Variants in HECW2 observed in about 807,000 individuals in gnomAD.
HECW2 encodes HECT, C2 and WW domain containing E3 ubiquitin protein ligase 2.
HECW2 carries 61 observed loss-of-function variants against 175.2 expected under a neutral mutation model. The ratio of observed to expected loss-of-function variants is 0.35; its 90% CI spans 0.28 to 0.43. The LOEUF (loss-of-function observed/expected upper bound fraction) is 0.43, where lower values mean the gene tolerates loss of function less well. HECW2 is among the 20% of genes least tolerant of loss of function. The probability of loss-of-function intolerance (pLI) is 1.00; values close to 1 mark genes in which losing one functional copy is unlikely to be tolerated. For synonymous variants in HECW2, 671 were observed against 731.0 expected (o/e 0.92, Z 1.32); for missense variants, 1,524 against 2,000.5 (o/e 0.76, Z 4.54).
intron 26 of HECW2, 71 bp downstream of exon 26, chr2:196,219,968 G>T: frequency 1.0e-6 from 1 of 1,001,562 alleles, no homozygotes. Context: ...CCTATATTCA[G>T]TTGGCAAGCT....
chr2:196,372,774 C>T (rs964354530), intron 2 of HECW2, among the ~76,000 whole-genome samples: 4 of 151,992 alleles, frequency 2.6e-5, no homozygotes, highest in African/African-American at 9.7e-5. Context: ...TTTTTAGAAA[C>T]CCAATTTTTA....
chr2:196,511,335 T>C (rs1687946399), intron 1 of HECW2, among the ~76,000 whole-genome samples: 1 of 152,240 alleles, frequency 6.6e-6, no homozygotes, highest in South Asian at 2.1e-4. Flanking sequence ...AATATTTCCA[T>C]TCATTTTCTA....
chr2:196,485,891 C>T (rs1242125749), intron 1 of HECW2, among the ~76,000 whole-genome samples: 4 of 152,130 alleles, frequency 2.6e-5, no homozygotes, highest in Admixed American at 2.0e-4. Context: ...AGGCATGGTA[C>T]CACGCATCTG....
At position 196,257,819 on chromosome 2, in the gene HECW2, G is replaced by A. The variant is rs757509553; in HGVS notation, c.3419+4C>T. On this transcript the variant is annotated splice_donor_region_variant and intron_variant, in intron 18 of 28. Transcript: ENST00000644978. ...TGCTTCAAGAGTGAGTGTTACGTAT[G>A]TACCTCAGCAACATAACAAGGTCTG... The A allele has an allele frequency of 2.5e-6, 4 of 1,605,034 alleles. No homozygotes were observed. Among genetic ancestry groups the A allele is most frequent in the South Asian group, 2.2e-5 (2 of 90,872 alleles).
chr2:196,360,744 T>C (rs1458878104), intron 2 of HECW2, among the ~76,000 whole-genome samples: 1 of 152,208 alleles, frequency 6.6e-6, no homozygotes, highest in East Asian at 1.9e-4. Context: ...TCATTGCTCC[T>C]GATCCTAAAG....
rs150970707 is a variant in HECW2, at chr2:196,367,435, T to A, written c.293-23671A>T. ...AGGCATACAATGCATAATAATCACA[T>A]CAGGGTAAATGAAGTATTCATCACC... On this transcript the variant is annotated intron_variant, in intron 2 of 28. Transcript: ENST00000644978. 4.7e-3 allele frequency among the ~76,000 whole-genome samples: 713 copies of A among 152,310 alleles called. 6 individuals carry two copies. The highest frequency in any genetic ancestry group is 0.017 in the African/African-American group (690 of 41,556).
intron 1 of HECW2, among the ~76,000 whole-genome samples, chr2:196,544,355 G>T (rs1044523434): frequency 6.6e-6 from 1 of 152,154 alleles, no homozygotes; most frequent in South Asian, 2.1e-4. Flanking sequence ...GGTCCCATTT[G>T]TCCTTGAGCT....
intron 1 of HECW2, among the ~76,000 whole-genome samples, chr2:196,581,169 T>G (rs918044047): frequency 6.6e-6 from 1 of 152,216 alleles, no homozygotes; most frequent in Non-Finnish European, 1.5e-5. Flanking sequence ...ATGTAGTTTC[T>G]ATTTAGAGGT....
intron 1 of HECW2, among the ~76,000 whole-genome samples, chr2:196,483,956 G>C (rs192233623): frequency 2.0e-5 from 3 of 152,288 alleles, no homozygotes; most frequent in Non-Finnish European, 4.4e-5. Context: ...TTCATTTTTA[G>C]ATGTTATAAC....
At chr2:196,566,629 G>A (rs549110000) in intron 1 of HECW2, among the ~76,000 whole-genome samples, 98 of 150,338 alleles carry the variant, frequency 6.5e-4, no homozygotes, top group Non-Finnish European at 1.2e-3. Flanking sequence ...CCTCCCCAGG[G>A]TCAAGTGATT....
At chr2:196,428,028 G>C (rs10199188) in intron 2 of HECW2, among the ~76,000 whole-genome samples, 144,351 of 152,266 alleles carry the variant, frequency 0.95, 68,525 homozygotes, top group East Asian at 1. Context: ...GAGTTGTACA[G>C]TTCAAAACAT....
At chr2:196,584,872 C>T (rs1435820867) in intron 1 of HECW2, among the ~76,000 whole-genome samples, 2 of 152,162 alleles carry the variant, frequency 1.3e-5, no homozygotes, top group East Asian at 3.9e-4. Context: ...GTACTTCCAA[C>T]TAGGTTTTTT....
chr2:196,204,421 T>C (rs1315233575), intron 28 of HECW2, among the ~76,000 whole-genome samples: 1 of 152,206 alleles, frequency 6.6e-6, no homozygotes, highest in Non-Finnish European at 1.5e-5. Flanking sequence ...GGATTTCTTA[T>C]TAAAATCAAG....
chr2:196,327,124 C>G (rs1476154083), intron 5 of HECW2, among the ~76,000 whole-genome samples: 3 of 152,218 alleles, frequency 2.0e-5, no homozygotes, highest in South Asian at 4.1e-4. Flanking sequence ...GTAACATAGA[C>G]AGAAATGAAT....
intron 2 of HECW2, among the ~76,000 whole-genome samples, chr2:196,385,238 T>C (rs532226551): frequency 3.9e-5 from 6 of 152,284 alleles, no homozygotes; most frequent in Admixed American, 1.3e-4. Context: ...GTATCTCATA[T>C]GCAATAAATC....
chr2:196,581,998 G>A (rs548025642), intron 1 of HECW2, among the ~76,000 whole-genome samples: 7 of 151,758 alleles, frequency 4.6e-5, no homozygotes, highest in East Asian at 1.9e-4. Context: ...CCCAGGAGGC[G>A]GAGCTTGCAG....
At chr2:196,448,798 C>G (rs770191643) in intron 1 of HECW2, among the ~76,000 whole-genome samples, 1 of 152,206 alleles carries the variant, frequency 6.6e-6, no homozygotes, top group Non-Finnish European at 1.5e-5. Flanking sequence ...ACCCTGACAA[C>G]TCGTTGATAA....
chr2:196,271,092 G>T, intron 17 of HECW2, 101 bp downstream of exon 17: 3 of 732,946 alleles, frequency 4.1e-6, no homozygotes, highest in Non-Finnish European at 4.7e-6. Context: ...TGCAAAGGAT[G>T]TCAGAAAGAA....
rs571620790 is a variant in HECW2 at position 196,440,956 on chromosome 2, G to T, written c.-35-7498C>A. Among the ~76,000 whole-genome samples, 72 of 152,268 alleles carry T rather than the reference G, an allele frequency of 4.7e-4. 1 individual carries two copies. Among genetic ancestry groups the T allele is most frequent in the African/African-American group, 1.7e-3 (69 of 41,560 alleles). On this transcript the variant is annotated intron_variant, in intron 1 of 28. Coordinates refer to ENST00000644978, the MANE Select transcript of HECW2 (RefSeq NM_001348768.2). ...AATATGATTAGGTCTGCACCATGCT[G>T]CTCTCCCAGATAAAAGACATCTGTT...
Sources: allele counts gnomAD v4.1 joint callset (sites outside exome capture counted in the v4.1 genomes callset), GRCh38; gene constraint gnomAD v4.1.1; transcripts MANE v1.5; gene names NCBI Gene and HGNC (gene_info 2026-07-23, HGNC 2026-07-21).